Variants in ADCY2 observed in about 807,000 individuals in gnomAD.
ADCY2 encodes adenylate cyclase 2.
Under a neutral mutation model 125.2 loss-of-function variants are expected in ADCY2, and 31 were observed. The observed-to-expected ratio is 0.25, with a 90% confidence interval of 0.19 to 0.33. The LOEUF (loss-of-function observed/expected upper bound fraction) is 0.33, where lower values mean the gene tolerates loss of function less well. Ranked by LOEUF, ADCY2 falls within the 10% of genes least tolerant of loss-of-function variation. The pLI is 1.00. For missense variants in ADCY2, 904 were observed against 1,418.2 expected (o/e 0.64, Z 5.82); for synonymous variants, 512 against 548.4 (o/e 0.93, Z 0.93).
chr5:7,778,592 A>T (rs564894198), intron 18 of ADCY2, among the ~76,000 whole-genome samples: 1 of 152,342 alleles, frequency 6.6e-6, no homozygotes, highest in East Asian at 1.9e-4. Flanking sequence ...AGCCTTAGCA[A>T]CAGCCTCCTA....
At chr5:7,724,114 CAAAAAAAA>C (rs1272949604) in intron 12 of ADCY2, among the ~76,000 whole-genome samples, 2 of 76,560 alleles carry the variant, frequency 2.6e-5, no homozygotes, top group Non-Finnish European at 4.5e-5. Flanking sequence ...TAGAAGCTAA[CAAAAAAAA>C]AAAAAAAAAA....
At chr5:7,424,092 C>T (rs557265288) in intron 2 of ADCY2, among the ~76,000 whole-genome samples, 2 of 152,328 alleles carry the variant, frequency 1.3e-5, no homozygotes, top group East Asian at 3.9e-4. Context: ...ACTCTGTGGT[C>T]TTTGAGACAT....
intron 6 of ADCY2, among the ~76,000 whole-genome samples, chr5:7,697,825 A>G (rs559295299): frequency 1.3e-5 from 2 of 152,324 alleles, no homozygotes; most frequent in African/African-American, 4.8e-5. Context: ...CCATAAGCAC[A>G]GTAGGGAAGG....
At chr5:7,556,982 G>A (rs1735525647) in intron 3 of ADCY2, among the ~76,000 whole-genome samples, 1 of 151,910 alleles carries the variant, frequency 6.6e-6, no homozygotes, top group Non-Finnish European at 1.5e-5. Context: ...ACAAAGAAAC[G>A]ATAGATGATT....
chr5:7,575,646 C>A (rs566096025), intron 3 of ADCY2, among the ~76,000 whole-genome samples: 2 of 152,228 alleles, frequency 1.3e-5, no homozygotes, highest in South Asian at 2.1e-4. Context: ...GCTGTGCATA[C>A]CTTTGATAAA....
At chr5:7,529,147 G>A (rs1156822978) in intron 3 of ADCY2, among the ~76,000 whole-genome samples, 1 of 152,152 alleles carries the variant, frequency 6.6e-6, no homozygotes, top group Admixed American at 6.5e-5. Context: ...ATCATCACTT[G>A]GAGACAGTCC....
At chr5:7,422,127 A>G (rs1008104012) in intron 2 of ADCY2, among the ~76,000 whole-genome samples, 2 of 152,214 alleles carry the variant, frequency 1.3e-5, no homozygotes, top group South Asian at 2.1e-4. Flanking sequence ...ACAAACAAAC[A>G]AACAAAAAAA....
intron 18 of ADCY2, among the ~76,000 whole-genome samples, chr5:7,776,820 T>C (rs1040358442): frequency 1.3e-5 from 2 of 152,176 alleles, no homozygotes; most frequent in African/African-American, 4.8e-5. Flanking sequence ...CTTCGTGCCC[T>C]TGAACATCAA....
At chr5:7,824,075 C>CT (rs1745389204) in intron 24 of ADCY2, among the ~76,000 whole-genome samples, 1 of 152,284 alleles carries the variant, frequency 6.6e-6, no homozygotes, top group African/African-American at 2.4e-5. Context: ...TGCTTCCTCA[C>CT]TCCAATAAGC....
intron 2 of ADCY2, among the ~76,000 whole-genome samples, chr5:7,512,409 G>T (rs1020224306): frequency 1.3e-5 from 2 of 152,002 alleles, no homozygotes; most frequent in African/African-American, 4.8e-5. Context: ...TGATTTGGAT[G>T]ATGTTGTAGC....
chr5:7,530,926 G>T (rs985029374), intron 3 of ADCY2, among the ~76,000 whole-genome samples: 20 of 152,098 alleles, frequency 1.3e-4, no homozygotes, highest in Non-Finnish European at 2.5e-4. Flanking sequence ...CACAGGAATG[G>T]CTTCTCAGGT....
chr5:7,641,132 CCT>C (rs1014173226), intron 4 of ADCY2, among the ~76,000 whole-genome samples: 7 of 151,966 alleles, frequency 4.6e-5, no homozygotes, highest in Admixed American at 3.9e-4. Flanking sequence ...AGTCACAACC[CCT>C]CTTTCAAGGA....
At chr5:7,701,326 C>G (rs1196955797) in intron 7 of ADCY2, among the ~76,000 whole-genome samples, 1 of 152,128 alleles carries the variant, frequency 6.6e-6, no homozygotes, top group Non-Finnish European at 1.5e-5. Flanking sequence ...TGAACTGTTT[C>G]CAGTTCCATA....
chr5:7,473,630 A>C (rs943223329), intron 2 of ADCY2, among the ~76,000 whole-genome samples: 1 of 152,098 alleles, frequency 6.6e-6, no homozygotes, highest in African/African-American at 2.4e-5. Context: ...GTAGATCTTC[A>C]CCTGTACCCT....
chr5:7,654,049 G>C, intron 4 of ADCY2: 2 of 456,214 alleles, frequency 4.4e-6, no homozygotes, highest in Non-Finnish European at 8.8e-6. Flanking sequence ...ATCTGCATTT[G>C]AGAGAAGCCA....
intron 2 of ADCY2, among the ~76,000 whole-genome samples, chr5:7,455,704 CATA>C (rs1390232544): frequency 7.0e-6 from 1 of 143,242 alleles, no homozygotes; most frequent in Non-Finnish European, 1.5e-5. Context: ...CAATTATTAA[CATA>C]ATTATATTAT....
At chr5:7,650,747 C>T (rs1390028385) in intron 4 of ADCY2, among the ~76,000 whole-genome samples, 1 of 152,124 alleles carries the variant, frequency 6.6e-6, no homozygotes, top group Non-Finnish European at 1.5e-5. Context: ...TCTTTTGAGC[C>T]TTATGGAGTA....
chr5:7,540,910 C>T (rs1387276620), intron 3 of ADCY2, among the ~76,000 whole-genome samples: 6 of 152,182 alleles, frequency 3.9e-5, no homozygotes, highest in African/African-American at 7.2e-5. Context: ...CGAGGACTTC[C>T]GTCCTGTACT....
chr5:7,607,119 G>A (rs1185329437), intron 3 of ADCY2, among the ~76,000 whole-genome samples: 1 of 152,108 alleles, frequency 6.6e-6, no homozygotes, highest in Non-Finnish European at 1.5e-5. Flanking sequence ...TTACTTTCTG[G>A]TTCTCTTAAC....
Sources: allele counts gnomAD v4.1 joint callset (sites outside exome capture counted in the v4.1 genomes callset), GRCh38; gene constraint gnomAD v4.1.1; transcripts MANE v1.5; gene names NCBI Gene and HGNC (gene_info 2026-07-23, HGNC 2026-07-21).